The following TLE4 variants were observed in gnomAD, a reference collection of about 807,000 sequenced individuals.
TLE4 encodes the protein TLE family member 4, transcriptional corepressor, also known as transducin-like enhancer protein 4.
Under a neutral mutation model 92.8 loss-of-function variants are expected in TLE4, and 8 were observed. The observed-to-expected ratio is 0.09, with a 90% CI of 0.05 to 0.16. The LOEUF is 0.16. Among genes scored for constraint, TLE4 ranks in the 10% least tolerant of loss-of-function variants. The pLI is 1.00. For synonymous variants in TLE4, 371 were observed against 374.1 expected (o/e 0.99, Z 0.10); for missense variants, 675 against 997.6 (o/e 0.68, Z 4.36).
intron 11 of TLE4, among the ~76,000 whole-genome samples, chr9:79,707,732 G>A (rs1411489621): frequency 6.6e-6 from 1 of 152,122 alleles, no homozygotes; most frequent in Non-Finnish European, 1.5e-5. Context: ...GTTTTCTAAT[G>A]TGACCTGTTC....
intron 8 of TLE4, chr9:79,671,153 T>G: frequency 2.4e-6 from 1 of 418,508 alleles, no homozygotes; most frequent in South Asian, 1.6e-5. Context: ...TTGGGGATTT[T>G]GTGTTTAGGG....
intron 8 of TLE4, among the ~76,000 whole-genome samples, chr9:79,682,000 C>T (rs142539814): frequency 4.6e-5 from 7 of 151,980 alleles, no homozygotes; most frequent in African/African-American, 1.7e-4. Flanking sequence ...TCACTGGTGT[C>T]TCATGTAACC....
intron 8 of TLE4, among the ~76,000 whole-genome samples, chr9:79,659,812 T>C (rs1172386280): frequency 6.6e-6 from 1 of 152,224 alleles, no homozygotes; most frequent in African/African-American, 2.4e-5. Flanking sequence ...TAAAATCATA[T>C]TTTAAAATAT....
chr9:79,693,631 AAG>A (rs1310242329), intron 8 of TLE4: 1 of 517,836 alleles, frequency 1.9e-6, no homozygotes, highest in South Asian at 1.4e-5. Flanking sequence ...CATGCATGGA[AAG>A]AGAGAGACAA....
chr9:79,643,138 A>C (rs7869294), intron 6 of TLE4, among the ~76,000 whole-genome samples: 1 of 152,212 alleles, frequency 6.6e-6, no homozygotes, highest in Non-Finnish European at 1.5e-5. Context: ...ACAACTACAG[A>C]GAAATTGAAT....
intron 4 of TLE4, among the ~76,000 whole-genome samples, chr9:79,608,375 A>G (rs1033636776): frequency 1.3e-5 from 2 of 152,090 alleles, no homozygotes; most frequent in East Asian, 1.9e-4. Context: ...TCTGATTGAA[A>G]TTTTAAAGAA....
chr9:79,678,906 A>G (rs541352643), intron 8 of TLE4, among the ~76,000 whole-genome samples: 13 of 152,250 alleles, frequency 8.5e-5, no homozygotes, highest in South Asian at 4.1e-4. Flanking sequence ...TTTGCTGAGA[A>G]TGATGATTTC....
At chr9:79,661,561 G>A (rs893790287) in intron 8 of TLE4, among the ~76,000 whole-genome samples, 22 of 152,206 alleles carry the variant, frequency 1.4e-4, no homozygotes, top group African/African-American at 5.1e-4. Flanking sequence ...GTTTGCTGAG[G>A]AGCTGAGTAG....
At chr9:79,596,114 G>A (rs530121763) in intron 4 of TLE4, among the ~76,000 whole-genome samples, 11 of 152,078 alleles carry the variant, frequency 7.2e-5, no homozygotes, top group Non-Finnish European at 1.6e-4. Flanking sequence ...CCAAAGTGCT[G>A]GGATTACAGG....
chr9:79,573,282 A>C (rs916328043), intron 1 of TLE4: 95 of 1,027,990 alleles, frequency 9.2e-5, no homozygotes, highest in Non-Finnish European at 1.0e-4. Context: ...ACGAGCCGAG[A>C]GGGTGGCGGC....
At chr9:79,721,665 T>A (rs1470163694) in intron 16 of TLE4, 76 bp from the exon 17 acceptor site, 1 of 1,588,326 alleles carries the variant, frequency 6.3e-7, no homozygotes. Context: ...TGAAATTGAA[T>A]CATCAAGGAA....
chr9:79,718,710 C>A lies in TLE4; in HGVS notation c.1341-12C>A. On this transcript the variant is annotated splice_polypyrimidine_tract_variant and intron_variant, in intron 14 of 19. Transcript: ENST00000376552. ...CATTCCCCTCTTTCTTTTTTCCTCT[C>A]CATTGCCTTAGAGCATACTCCTTCC... The A allele has an allele frequency of 6.3e-7, 1 of 1,597,290 alleles. No homozygotes were observed. Among genetic ancestry groups the A allele is most frequent in the Non-Finnish European group, 8.6e-7 (1 of 1,168,058 alleles).
intron 5 of TLE4, among the ~76,000 whole-genome samples, chr9:79,621,878 A>G (rs1365650766): frequency 6.6e-6 from 1 of 152,172 alleles, no homozygotes; most frequent in Non-Finnish European, 1.5e-5. Flanking sequence ...CTATTAGCCA[A>G]AAGGGCATTT....
At position 79,667,656 on chromosome 9, in the gene TLE4, G is replaced by C. The variant is rs73652227; in HGVS notation, c.609+13581G>C. ...CGTATCCTGCCTATTGGAAGTGCTT[G>C]TGAAAGGAAGGTGGGGAGTTGGGGT... On this transcript the variant is annotated intron_variant, in intron 8 of 19. Transcript: ENST00000376552. Among the ~76,000 whole-genome samples, 350 of 152,244 alleles carry C rather than the reference G, an allele frequency of 2.3e-3. 2 individuals carry two copies. The highest frequency in any genetic ancestry group is 8.1e-3 in the African/African-American group (338 of 41,552).
intron 5 of TLE4, among the ~76,000 whole-genome samples, chr9:79,617,209 G>T (rs904428220): frequency 6.6e-6 from 1 of 151,958 alleles, no homozygotes. Context: ...TTCCAACGAT[G>T]GACATTTAGC....
At chr9:79,671,263 T>G (rs765216719) in intron 8 of TLE4, 2 of 456,430 alleles carry the variant, frequency 4.4e-6, no homozygotes, top group African/African-American at 4.0e-5. Flanking sequence ...AGGAAGAACC[T>G]TCTGGGTTCC....
At chr9:79,702,240 A>AT (rs1240172539) in intron 8 of TLE4, among the ~76,000 whole-genome samples, 1 of 152,072 alleles carries the variant, frequency 6.6e-6, no homozygotes, top group Admixed American at 6.6e-5. Context: ...GAAATTTGGA[A>AT]TTTTTTTCCC....
chr9:79,597,178 C>T (rs1394236356), intron 4 of TLE4, among the ~76,000 whole-genome samples: 1 of 152,212 alleles, frequency 6.6e-6, no homozygotes, highest in African/African-American at 2.4e-5. Context: ...CCTTTCCTTG[C>T]TCTCACCACG....
chr9:79,630,881 G>T (rs2053994587), intron 6 of TLE4, among the ~76,000 whole-genome samples: 1 of 152,132 alleles, frequency 6.6e-6, no homozygotes, highest in Non-Finnish European at 1.5e-5. Flanking sequence ...AGTTTAGTCA[G>T]TGTGAATAGT....
Sources: gnomAD v4.1 joint callset for allele counts (sites outside exome capture counted in the v4.1 genomes callset) on GRCh38, gnomAD v4.1.1 for gene constraint, MANE v1.5 for transcripts, NCBI Gene and HGNC (gene_info 2026-07-23, HGNC 2026-07-21) for gene names.